ZNF407: variants seen among roughly 807,000 people sequenced by gnomAD.
The protein encoded by ZNF407 is zinc finger protein 407.
Under a neutral mutation model 131.2 loss-of-function variants are expected in ZNF407, and 17 were observed. The ratio of observed to expected loss-of-function variants is 0.13; its 90% CI spans 0.09 to 0.19. ZNF407 has a LOEUF of 0.19. Among genes scored for constraint, ZNF407 ranks in the 10% least tolerant of loss-of-function variants. ZNF407 has a pLI of 1.00. For missense variants in ZNF407, 2,681 were observed against 2,830.6 expected, an observed-to-expected ratio of 0.95 and a Z score of 1.20; for synonymous variants, 1,156 against 1,062.0, an observed-to-expected ratio of 1.09 and a Z score of -1.72.
At chr18:74,918,676 T>C (rs1971805473) in intron 7 of ZNF407, among the ~76,000 whole-genome samples, 1 of 152,142 alleles carries the variant, frequency 6.6e-6, no homozygotes, top group African/African-American at 2.4e-5. Context: ...AAGTTGAAAA[T>C]AGCTGGGAAA....
chr18:74,875,375 GGTTTCATAGATGTAATTTTGTTAAAT>G (rs1260874013), intron 4 of ZNF407, among the ~76,000 whole-genome samples: 2 of 152,022 alleles, frequency 1.3e-5, no homozygotes, highest in Non-Finnish European at 2.9e-5. Flanking sequence ...CATATATTGA[GGTTTCATAGATGTAATTTTGTTAAAT>G]GTACATCACA....
intron 8 of ZNF407, among the ~76,000 whole-genome samples, chr18:74,945,395 G>T (rs1972143975): frequency 6.6e-6 from 1 of 152,096 alleles, no homozygotes; most frequent in Non-Finnish European, 1.5e-5. Flanking sequence ...ATCTGTGCTG[G>T]TTTTTGTTTT....
At chr18:74,793,855 C>T (rs936248094) in intron 4 of ZNF407, among the ~76,000 whole-genome samples, 1 of 152,156 alleles carries the variant, frequency 6.6e-6, no homozygotes, top group Admixed American at 6.5e-5. Context: ...TCAGCACGTA[C>T]TCTTTGTAGA....
chr18:75,029,662 G>A (rs535643622), intron 8 of ZNF407, among the ~76,000 whole-genome samples: 12 of 152,232 alleles, frequency 7.9e-5, no homozygotes, highest in South Asian at 2.1e-4. Context: ...CAGGGCATGC[G>A]CAGGGGCAGG....
chr18:74,878,707 T>C (rs185223503), intron 5 of ZNF407, among the ~76,000 whole-genome samples: 1 of 152,288 alleles, frequency 6.6e-6, no homozygotes. Context: ...CACTTGAAAC[T>C]AATTCAAGTT....
intron 3 of ZNF407, among the ~76,000 whole-genome samples, chr18:74,652,827 C>T (rs1270963699): frequency 1.3e-5 from 2 of 151,964 alleles, no homozygotes; most frequent in African/African-American, 4.8e-5. Context: ...GTTTCAGTCA[C>T]CTCTCACATA....
chr18:74,617,070 T>TCCACACACATCCATATCCACACA (rs1983336637), intron 1 of ZNF407, among the ~76,000 whole-genome samples: 1 of 11,436 alleles, frequency 8.7e-5, no homozygotes, highest in African/African-American at 3.6e-4. Flanking sequence ...CACATCCATA[T>TCCACACACATCCATATCCACACA]CCACACACAT....
intron 3 of ZNF407, among the ~76,000 whole-genome samples, chr18:74,720,176 A>AT (rs34064021): frequency 0.024 from 3,643 of 149,720 alleles, 147 homozygotes; most frequent in African/African-American, 0.082. Context: ...AGCATTTGCT[A>AT]TTTTTTTTTT....
At chr18:74,976,069 C>T (rs1297010687) in intron 8 of ZNF407, among the ~76,000 whole-genome samples, 1 of 152,146 alleles carries the variant, frequency 6.6e-6, no homozygotes, top group Non-Finnish European at 1.5e-5. Flanking sequence ...TCAGTTTATG[C>T]TGCTTTTACA....
intron 8 of ZNF407, among the ~76,000 whole-genome samples, chr18:74,979,214 C>T (rs1972560958): frequency 6.6e-6 from 1 of 152,006 alleles, no homozygotes; most frequent in African/African-American, 2.4e-5. Context: ...GCTTCGTGGC[C>T]CTTATACATT....
At chr18:74,818,017 G>C (rs759562191) in intron 4 of ZNF407, among the ~76,000 whole-genome samples, 16 of 152,170 alleles carry the variant, frequency 1.1e-4, no homozygotes, top group Non-Finnish European at 2.2e-4. Flanking sequence ...TTCATGACCA[G>C]ATCTTTTGAA....
chr18:74,868,948 A>T (rs980138190), intron 4 of ZNF407, among the ~76,000 whole-genome samples: 1 of 152,190 alleles, frequency 6.6e-6, no homozygotes, highest in African/African-American at 2.4e-5. Flanking sequence ...CATAGCATGG[A>T]TCATTGCTAG....
intron 7 of ZNF407, among the ~76,000 whole-genome samples, chr18:74,891,037 G>A (rs1230112247): frequency 2.0e-5 from 3 of 152,324 alleles, no homozygotes; most frequent in African/African-American, 7.2e-5. Context: ...CGAAGCCTTC[G>A]TGCAGAAGAG....
In ZNF407 at chr18:74,631,370, G is replaced by C; in HGVS notation, c.351G>C (p.Leu117=). The stretch of plus-strand genomic sequence containing the variant: ...ATGAAACAGGGAAGGAGACCTTTCT[G>C]AGTGACTGCACAGTTGGAGGCACAT... ...ALDETGKETF[L]SDCTVGGTCL... The change falls in exon 2 of 9, where the codon CTG becomes CTC. Residue 117 remains leucine (L), a synonymous_variant. Coordinates refer to ENST00000299687, the MANE Select transcript of ZNF407 (RefSeq NM_017757.3). 6.2e-7 allele frequency: 1 copy of C among 1,614,006 alleles called. No homozygotes were observed. The highest frequency in any genetic ancestry group is 8.5e-7 in the Non-Finnish European group (1 of 1,179,900).
At chr18:74,672,753 G>A (rs1003417598) in intron 3 of ZNF407, among the ~76,000 whole-genome samples, 1 of 152,100 alleles carries the variant, frequency 6.6e-6, no homozygotes, top group African/African-American at 2.4e-5. Context: ...CTTTCTTAAA[G>A]GAGAAAAAAC....
At chr18:75,012,115 A>G (rs1216612904) in intron 8 of ZNF407, among the ~76,000 whole-genome samples, 1 of 152,202 alleles carries the variant, frequency 6.6e-6, no homozygotes, top group African/African-American at 2.4e-5. Context: ...GCTGTTTGAC[A>G]TGACAGTTGA....
intron 8 of ZNF407, among the ~76,000 whole-genome samples, chr18:74,935,447 CTTG>C (rs1972029136): frequency 6.6e-6 from 1 of 152,004 alleles, no homozygotes; most frequent in Non-Finnish European, 1.5e-5. Flanking sequence ...TTAGATTAAC[CTTG>C]TTGTTCAGAC....
intron 1 of ZNF407, among the ~76,000 whole-genome samples, chr18:74,605,909 C>T (rs1982785358): frequency 6.6e-6 from 1 of 152,156 alleles, no homozygotes; most frequent in Non-Finnish European, 1.5e-5. Context: ...GTTCCTGGAC[C>T]GTCGGTGGAG....
chr18:74,992,559 G>C (rs777794824), intron 8 of ZNF407, among the ~76,000 whole-genome samples: 8 of 152,222 alleles, frequency 5.3e-5, no homozygotes, highest in Non-Finnish European at 1.2e-4. Flanking sequence ...GGTGAGCTGA[G>C]GATTCGTGGA....
Sources: allele counts gnomAD v4.1 joint callset (sites outside exome capture counted in the v4.1 genomes callset), GRCh38; gene constraint gnomAD v4.1.1; transcripts MANE v1.5; gene names NCBI Gene and HGNC (gene_info 2026-07-23, HGNC 2026-07-21).